The following DCC variants were observed in gnomAD, a reference collection of about 807,000 sequenced individuals.
The protein encoded by DCC is DCC netrin 1 receptor, also known as netrin receptor DCC.
A neutral mutation model predicts 172.5 loss-of-function variants in DCC; 58 were observed. That is an observed-to-expected ratio of 0.34 (90% CI 0.27 to 0.42). DCC has a LOEUF of 0.42. Ranked by LOEUF, DCC falls within the 10% of genes least tolerant of loss-of-function variation. The pLI, the probability that DCC is intolerant of heterozygous loss-of-function variation, is 1.00. For synonymous variants in DCC, 709 were observed against 644.5 expected (o/e 1.10, Z -1.52); for missense variants, 1,740 against 1,791.0 (o/e 0.97, Z 0.51).
At chr18:53,249,620 CA>C (rs1395164687) in intron 12 of DCC, among the ~76,000 whole-genome samples, 1 of 151,746 alleles carries the variant, frequency 6.6e-6, no homozygotes, top group East Asian at 1.9e-4. Context: ...CCATCTAAGA[CA>C]AAAATAAACA....
chr18:52,932,750 T>C (rs988419121), intron 5 of DCC, among the ~76,000 whole-genome samples: 2 of 152,096 alleles, frequency 1.3e-5, no homozygotes, highest in Non-Finnish European at 2.9e-5. Context: ...TATATATAGA[T>C]ATAGATATAC....
chr18:53,133,406 C>T (rs1325061595), intron 7 of DCC, among the ~76,000 whole-genome samples: 4 of 152,142 alleles, frequency 2.6e-5, no homozygotes, highest in South Asian at 2.1e-4. Flanking sequence ...GCTGATAACC[C>T]CTTTTACAAG....
At chr18:52,918,186 T>C (rs151131472) in intron 3 of DCC, among the ~76,000 whole-genome samples, 192 of 152,294 alleles carry the variant, frequency 1.3e-3, no homozygotes, top group African/African-American at 4.5e-3. Flanking sequence ...CAAATTTGCA[T>C]TCTGATACCC....
At chr18:52,406,456 G>C (rs1173497580) in intron 1 of DCC, among the ~76,000 whole-genome samples, 3 of 152,004 alleles carry the variant, frequency 2.0e-5, no homozygotes, top group African/African-American at 7.2e-5. Context: ...AATCTACAAT[G>C]AACTCAAACA....
At chr18:52,691,150 G>A (rs938057702) in intron 1 of DCC, among the ~76,000 whole-genome samples, 11 of 152,118 alleles carry the variant, frequency 7.2e-5, no homozygotes, top group African/African-American at 2.4e-4. Flanking sequence ...GAAAGAGAAA[G>A]CTGTTGTTGC....
At chr18:53,507,696 T>C (rs2046198402) in intron 27 of DCC, among the ~76,000 whole-genome samples, 1 of 152,188 alleles carries the variant, frequency 6.6e-6, no homozygotes, top group Non-Finnish European at 1.5e-5. Flanking sequence ...CGTATGCCTC[T>C]CATTTTGAAA....
At chr18:52,791,734 G>A (rs975125644) in intron 2 of DCC, among the ~76,000 whole-genome samples, 1 of 152,084 alleles carries the variant, frequency 6.6e-6, no homozygotes, top group Admixed American at 6.6e-5. Context: ...CCTCCTTGAT[G>A]GAGGAAGTGT....
intron 2 of DCC, among the ~76,000 whole-genome samples, chr18:52,833,545 C>A (rs1355098204): frequency 6.6e-6 from 1 of 152,034 alleles, no homozygotes; most frequent in African/African-American, 2.4e-5. Flanking sequence ...ATCCCAGAGT[C>A]TCAGATTTAG....
intron 5 of DCC, among the ~76,000 whole-genome samples, chr18:52,958,895 C>CCG (rs2040793107): frequency 6.6e-6 from 1 of 152,096 alleles, no homozygotes; most frequent in African/African-American, 2.4e-5. Context: ...AACCCACAGC[C>CCG]CGCGGGCCAT....
chr18:52,810,088 A>AT (rs549394784), intron 2 of DCC, among the ~76,000 whole-genome samples: 85 of 151,852 alleles, frequency 5.6e-4, no homozygotes, highest in Non-Finnish European at 8.5e-4. Flanking sequence ...CAAAAAAAAA[A>AT]ATATATTCTC....
chr18:52,346,304 C>A (rs888199568), intron 1 of DCC, among the ~76,000 whole-genome samples: 3 of 152,156 alleles, frequency 2.0e-5, no homozygotes, highest in African/African-American at 7.2e-5. Context: ...AAATGAAACA[C>A]AATTTAGTAA....
intron 12 of DCC, among the ~76,000 whole-genome samples, chr18:53,217,983 T>C (rs1382370432): frequency 6.6e-6 from 1 of 152,060 alleles, no homozygotes; most frequent in Non-Finnish European, 1.5e-5. Flanking sequence ...TAGCTGGTAC[T>C]ACAGGCATGC....
At chr18:53,340,055 C>T in intron 15 of DCC, 148 bp downstream of exon 15, 1 of 614,048 alleles carries the variant, frequency 1.6e-6, no homozygotes, top group Non-Finnish European at 2.9e-6. Context: ...TCTACACACA[C>T]ACACACACAC....
At chr18:53,056,710 C>A (rs192812740) in intron 5 of DCC, among the ~76,000 whole-genome samples, 35 of 152,132 alleles carry the variant, frequency 2.3e-4, no homozygotes, top group Admixed American at 2.1e-3. Context: ...AGGCACATGG[C>A]TCCAGGGAAA....
At chr18:52,440,584 C>T (rs1389597920) in intron 1 of DCC, among the ~76,000 whole-genome samples, 2 of 152,148 alleles carry the variant, frequency 1.3e-5, no homozygotes, top group Non-Finnish European at 2.9e-5. Flanking sequence ...AAATGCCTCA[C>T]ACAATGGGAA....
intron 1 of DCC, among the ~76,000 whole-genome samples, chr18:52,672,248 G>A (rs72929152): frequency 2.0e-5 from 3 of 151,976 alleles, no homozygotes; most frequent in Admixed American, 6.6e-5. Flanking sequence ...ATTTTTAAAC[G>A]AATATTTGTT....
chr18:52,926,363 T>C (rs1276843965), intron 5 of DCC, among the ~76,000 whole-genome samples: 1 of 151,852 alleles, frequency 6.6e-6, no homozygotes, highest in Non-Finnish European at 1.5e-5. Context: ...ACGTTGCTTG[T>C]TCTTTGATCA....
chr18:53,055,162 G>T (rs1165313806), intron 5 of DCC, among the ~76,000 whole-genome samples: 1 of 152,058 alleles, frequency 6.6e-6, no homozygotes, highest in Admixed American at 6.6e-5. Flanking sequence ...GGGACACAAA[G>T]ATAAATAAGA....
chr18:52,738,108 T>A (rs996274388), intron 1 of DCC, among the ~76,000 whole-genome samples: 1 of 152,140 alleles, frequency 6.6e-6, no homozygotes, highest in East Asian at 1.9e-4. Flanking sequence ...CGCAAAAAAA[T>A]TTATTATCTG....
Sources: allele counts gnomAD v4.1 joint callset (sites outside exome capture counted in the v4.1 genomes callset), GRCh38; gene constraint gnomAD v4.1.1; transcripts MANE v1.5; gene names NCBI Gene and HGNC (gene_info 2026-07-23, HGNC 2026-07-21).